The following C4orf50 variants were observed in gnomAD, a reference collection of about 807,000 sequenced individuals.
C4orf50 encodes the protein uncharacterized protein C4orf50.
C4orf50 carries 80 observed loss-of-function variants against 77.2 expected under a neutral mutation model. The observed-to-expected ratio is 1.04, with a 90% CI of 0.87 to 1.25. The LOEUF is 1.25. Among genes scored for constraint, C4orf50 ranks in the 50% most tolerant of loss-of-function variants. The pLI is 0.00. For synonymous variants in C4orf50, 532 were observed against 465.3 expected, an observed-to-expected ratio of 1.14 and a Z score of -1.84; for missense variants, 1,257 against 1,152.9, an observed-to-expected ratio of 1.09 and a Z score of -1.31.
At chr4:5,984,643 A>T (rs1553918309) in intron 28 of C4orf50, among the ~76,000 whole-genome samples, 1 of 152,216 alleles carries the variant, frequency 6.6e-6, no homozygotes, top group Non-Finnish European at 1.5e-5. Context: ...AGTGAACTAA[A>T]AGAGAGGTCA....
intron 7 of C4orf50, among the ~76,000 whole-genome samples, chr4:5,947,896 G>C (rs1345100705): frequency 6.6e-6 from 1 of 152,144 alleles, no homozygotes; most frequent in East Asian, 1.9e-4. Flanking sequence ...CAGCCCCCAG[G>C]GTCCCTGCCA....
At chr4:5,946,574 G>T (rs1289896201) in intron 7 of C4orf50, among the ~76,000 whole-genome samples, 1 of 152,298 alleles carries the variant, frequency 6.6e-6, no homozygotes, top group South Asian at 2.1e-4. Context: ...CCAGCTTGCA[G>T]CCTATGCCCC....
chr4:5,941,363 C>G (rs1390724328), intron 7 of C4orf50, among the ~76,000 whole-genome samples: 2 of 152,178 alleles, frequency 1.3e-5, no homozygotes, highest in African/African-American at 4.8e-5. Flanking sequence ...AGCAGCAGAG[C>G]TGAGACCGGA....
chr4:5,959,601 A>C (rs1284203092), exon 34 of C4orf50: 5 of 1,614,096 alleles, frequency 3.1e-6, no homozygotes, highest in South Asian at 1.1e-5. Context: ...TCCAGGATCA[A>C]GCGTGGACAC....
rs1717043215 is a variant in C4orf50, at chr4:5,916,721, C to T, written c.*2475-18533G>A. ...AGAGAAGACAATATCCAGATGGGTACTGAGGTCACTCCTGCAGGAAATAGG... is the reference window on the plus strand; with the variant it reads ...AGAGAAGACAATATCCAGATGGGTATTGAGGTCACTCCTGCAGGAAATAGG... On this transcript the variant is annotated intron_variant, in intron 7 of 7. Transcript: ENST00000324058. The surrounding 1 kb of genome is among the most constrained non-coding windows in gnomAD (Gnocchi z 4.4). Among the ~76,000 whole-genome samples, 1 of 152,128 alleles carries T rather than the reference C, an allele frequency of 6.6e-6. No homozygotes were observed. Among genetic ancestry groups the T allele is most frequent in the Non-Finnish European group, 1.5e-5 (1 of 68,022 alleles).
At chr4:5,990,694 T>C (rs1577974395) in exon 28 of C4orf50, 2 of 399,088 alleles carry the variant, frequency 5.0e-6, no homozygotes, top group East Asian at 7.1e-5. Context: ...TGCAGCTGGG[T>C]CAGCTGCTAG....
chr4:5,991,038 C>T (rs572622309), intron 27 of C4orf50, among the ~76,000 whole-genome samples: 2 of 152,336 alleles, frequency 1.3e-5, no homozygotes, highest in South Asian at 4.1e-4. Context: ...GCCCTCATGG[C>T]TCACTCCCTG....
At chr4:5,985,135 A>C (rs1344377134) in intron 28 of C4orf50, among the ~76,000 whole-genome samples, 1 of 152,112 alleles carries the variant, frequency 6.6e-6, no homozygotes, top group Non-Finnish European at 1.5e-5. Context: ...TCAGAATCCA[A>C]TGGGAAGAAA....
At chr4:5,939,868 A>G (rs1274797912) in intron 7 of C4orf50, among the ~76,000 whole-genome samples, 1 of 152,182 alleles carries the variant, frequency 6.6e-6, no homozygotes, top group Non-Finnish European at 1.5e-5. Context: ...TTCAGCAGTG[A>G]TAAGAGACCA....
chr4:6,016,172 A>G (rs140423190), intron 23 of C4orf50, among the ~76,000 whole-genome samples: 1 of 152,274 alleles, frequency 6.6e-6, no homozygotes, highest in African/African-American at 2.4e-5. Context: ...TGGGGTCTTT[A>G]TCTCAAAGTT....
chr4:5,966,476 A>AAAAT lies in C4orf50; in HGVS notation c.4153+934_4153+937dup, dbSNP rs775869016. Among the ~76,000 whole-genome samples the AAAAT allele has an allele frequency of 1.8e-3, 269 of 151,918 alleles. 1 individual carries two copies. The highest frequency in any genetic ancestry group is 3.3e-3 in the Non-Finnish European group (226 of 67,946). ...GGCGACAGAGGGAGACTCCCTCTCA[A>AAAAT]AAATAAATAAATAAATAATAAAAAT... On this transcript the variant is annotated intron_variant, in intron 32 of 33. Coordinates refer to ENST00000531445, the Ensembl canonical transcript of C4orf50.
At position 5,932,442 on chromosome 4, in the gene C4orf50, T is replaced by C. The variant is rs1717808629; in HGVS notation, c.*2474+24459A>G. ...CCTGGAGAAGGAAGGCATCAGACTG[T>C]GGTGGGAACATTACAGTGTTTGTTT... is the stretch of plus-strand genomic sequence containing the variant. On this transcript the variant is annotated intron_variant, in intron 7 of 7. Coordinates refer to the C4orf50 transcript ENST00000324058. This position sits in a 1 kb window ranked among gnomAD's most constrained non-coding sequence, Gnocchi z 4.2. Among the ~76,000 whole-genome samples, 1 of 152,110 alleles carries C rather than the reference T, an allele frequency of 6.6e-6. No homozygotes were observed. Among genetic ancestry groups the C allele is most frequent in the African/African-American group, 2.4e-5 (1 of 41,420 alleles).
intron 31 of C4orf50, among the ~76,000 whole-genome samples, chr4:5,968,690 C>G (rs986259109): frequency 2.0e-5 from 3 of 152,200 alleles, no homozygotes; most frequent in African/African-American, 7.2e-5. Context: ...ATCCTCCAAT[C>G]CGTCACTCTC....
rs193203374 is a variant in C4orf50, at chr4:5,941,204, G to T, written c.*2474+15697C>A. 2.0e-4 allele frequency among the ~76,000 whole-genome samples: 30 copies of T among 152,334 alleles called. No homozygotes were observed. In the Middle Eastern group the frequency reaches 0.014, roughly 69 times the overall value. The stretch of plus-strand genomic sequence containing the variant: ...TTAATTGGGTGCTTCCTTTGTGCCA[G>T]AGTCTATGCTGAGTGTTTTATAAGT... On this transcript the variant is annotated intron_variant, in intron 7 of 7. Coordinates refer to the C4orf50 transcript ENST00000324058.
At chr4:6,014,958 TCC>T (rs957182937) in intron 23 of C4orf50, among the ~76,000 whole-genome samples, 15 of 152,268 alleles carry the variant, frequency 9.9e-5, no homozygotes, top group African/African-American at 3.6e-4. Context: ...TGTCTTTCCC[TCC>T]CCCATGGAGG....
At position 6,008,868 on chromosome 4, in the gene C4orf50, T is replaced by A. The variant is rs1003654733; in HGVS notation, c.427-336A>T. On this transcript the variant is annotated intron_variant, in intron 24 of 33. Transcript: ENST00000531445. This position sits in a 1 kb window ranked among gnomAD's most constrained non-coding sequence, Gnocchi z 6.0. The stretch of plus-strand genomic sequence containing the variant: ...CCGCTGGAGATGTCCGGATACTGAA[T>A]ACGTCCGCACCTGAGTGCACACAGC... Among the ~76,000 whole-genome samples the A allele has an allele frequency of 1.3e-5, 2 of 152,136 alleles. No homozygotes were observed. Among genetic ancestry groups the A allele is most frequent in the African/African-American group, 4.8e-5 (2 of 41,438 alleles).
intron 25 of C4orf50, among the ~76,000 whole-genome samples, chr4:6,004,381 ATGGTGATGG>A (rs1722130134): frequency 8.8e-6 from 1 of 113,318 alleles, no homozygotes; most frequent in African/African-American, 3.2e-5. Flanking sequence ...GATGGTGATG[ATGGTGATGG>A]TGGTGATGGT....
chr4:6,016,987 G>A (rs574324949), intron 23 of C4orf50, among the ~76,000 whole-genome samples: 3 of 152,278 alleles, frequency 2.0e-5, no homozygotes, highest in Non-Finnish European at 4.4e-5. Context: ...CTTCCATGCT[G>A]GGTTTCGCTG....
chr4:6,012,524 G>C (rs4568187), intron 23 of C4orf50, among the ~76,000 whole-genome samples: 60,482 of 151,944 alleles, frequency 0.4, 12,552 homozygotes, highest in East Asian at 0.78. Flanking sequence ...TCAGAAAAAC[G>C]TTTCTGCAAC....
Sources: gnomAD v4.1 joint callset for allele counts (sites outside exome capture counted in the v4.1 genomes callset) on GRCh38, gnomAD v4.1.1 for gene constraint, Gnocchi (gnomAD v3.1) non-coding constraint, MANE v1.5 for transcripts, NCBI Gene and HGNC (gene_info 2026-07-23, HGNC 2026-07-21) for gene names.